The following BCL2 variants were observed in gnomAD, a reference collection of about 807,000 sequenced individuals.
BCL2 encodes BCL2 apoptosis regulator, also known as apoptosis regulator Bcl-2.
Under a neutral mutation model 14.2 loss-of-function variants are expected in BCL2, and 1 was observed. The ratio of observed to expected loss-of-function variants is 0.07; its 90% CI spans 0.02 to 0.33. The LOEUF (loss-of-function observed/expected upper bound fraction) is 0.33. Among genes scored for constraint, BCL2 ranks in the 10% least tolerant of loss-of-function variants. The pLI, the probability that BCL2 is intolerant of heterozygous loss-of-function variation, is 0.99. For synonymous variants in BCL2, 151 were observed against 137.2 expected, an observed-to-expected ratio of 1.10 and a Z score of -0.70; for missense variants, 247 against 305.9, an observed-to-expected ratio of 0.81 and a Z score of 1.44.
chr18:63,250,857 TG>T (rs1911290413), intron 2 of BCL2, among the ~76,000 whole-genome samples: 1 of 152,344 alleles, frequency 6.6e-6, no homozygotes, highest in East Asian at 1.9e-4. Context: ...AATATTGACA[TG>T]CAAGGATTTT....
chr18:63,128,594 T>C lies in BCL2; in HGVS notation c.*31A>G. 1 of 777,868 alleles carries C rather than the reference T, an allele frequency of 1.3e-6. No individual in the cohort carries two copies. The highest frequency in any genetic ancestry group is 2.4e-6 in the Non-Finnish European group (1 of 416,062). The allele number at this position is 777,868 out of a possible 1,614,324, so 48.2% of individuals were successfully genotyped here. A position where few individuals can be genotyped will look rare whatever the true frequency, so the allele number is the denominator to read the frequency against. On this transcript the variant is annotated 3_prime_UTR_variant, in exon 3 of 3. Coordinates refer to ENST00000333681, the MANE Select transcript of BCL2 (RefSeq NM_000633.3). ...ATTTCTACTGCTTTAGTGAACCTTTTGCATATTTGTTTGGGGCAGGCATGT... is the reference window on the plus strand; with the variant it reads ...ATTTCTACTGCTTTAGTGAACCTTTCGCATATTTGTTTGGGGCAGGCATGT...
chr18:63,240,443 C>T (rs1030522407), intron 2 of BCL2, among the ~76,000 whole-genome samples: 6 of 152,194 alleles, frequency 3.9e-5, no homozygotes, highest in Admixed American at 6.5e-5. Context: ...AGGAAGCCTT[C>T]CTTCAAATGT....
At chr18:63,181,066 G>T (rs1306443182) in intron 2 of BCL2, among the ~76,000 whole-genome samples, 1 of 152,192 alleles carries the variant, frequency 6.6e-6, no homozygotes, top group Admixed American at 6.5e-5. Flanking sequence ...GGCCCCAAAT[G>T]TAAAGCTTTC....
intron 2 of BCL2, among the ~76,000 whole-genome samples, chr18:63,173,534 A>G (rs896851226): frequency 7.9e-5 from 12 of 151,526 alleles, no homozygotes; most frequent in African/African-American, 2.9e-4. Context: ...GGATGGAGGA[A>G]GTGAATTTTA....
Position 63,166,190 on chromosome 18 carries a change from AG to A in BCL2, c.586-37432del, listed in dbSNP as rs553959777. On this transcript the variant is annotated intron_variant, in intron 2 of 2. Coordinates refer to ENST00000333681, the MANE Select transcript of BCL2 (RefSeq NM_000633.3). The stretch of plus-strand genomic sequence containing the variant: ...CATGCCCCAGAGAGAGGTGGTTGGC[AG>A]GAAGAAATGTGACACCAGGAAGTGC... Among the ~76,000 whole-genome samples, 605 of 152,338 alleles carry A rather than the reference AG, an allele frequency of 4.0e-3. 3 individuals carry two copies. The highest frequency in any genetic ancestry group is 0.014 in the African/African-American group (563 of 41,574).
At chr18:63,172,443 G>A (rs1293688858) in intron 2 of BCL2, among the ~76,000 whole-genome samples, 1 of 152,064 alleles carries the variant, frequency 6.6e-6, no homozygotes, top group Admixed American at 6.5e-5. Flanking sequence ...TGAGTCTTTG[G>A]GGACTCAACA....
intron 2 of BCL2, chr18:63,317,393 T>G: frequency 3.8e-6 from 1 of 265,074 alleles, no homozygotes; most frequent in South Asian, 1.4e-4. Context: ...AGCAAAGCCA[T>G]AGCCTGATAC....
chr18:63,317,852 C>T lies in BCL2; in HGVS notation c.585+230G>A, dbSNP rs1019062004. The T allele has an allele frequency of 1.1e-5, 15 of 1,404,950 alleles. No homozygotes were observed. In the African/African-American group the frequency reaches 1.2e-4, roughly 11 times the overall value. 87.0% of individuals were successfully genotyped at this position (1,404,950 alleles called of 1,614,324 possible). A position where few individuals can be genotyped will look rare whatever the true frequency, so the allele number is the denominator to read the frequency against. On this transcript the variant is annotated intron_variant, in intron 2 of 2. Coordinates refer to ENST00000333681, the MANE Select transcript of BCL2 (RefSeq NM_000633.3). ...GATTACAAACGCTAGATCTTTGGAT[C>T]TCCACGACTAGCAAGCAAGTTAAAG...
chr18:63,172,732 G>T (rs1258620341), intron 2 of BCL2, among the ~76,000 whole-genome samples: 2 of 152,232 alleles, frequency 1.3e-5, no homozygotes, highest in Non-Finnish European at 2.9e-5. Flanking sequence ...AGTGAGCCGA[G>T]ATCGTGCCAC....
Position 63,125,476 on chromosome 18 carries a change from C to T in BCL2, c.*3149G>A, listed in dbSNP as rs1913887092. On this transcript the variant is annotated 3_prime_UTR_variant, in exon 3 of 3. Coordinates refer to ENST00000333681, the MANE Select transcript of BCL2 (RefSeq NM_000633.3). ...CTCAGATGTTCTTCTCCTTTTGGGG[C>T]TTTTTTTAGAGCCCTTGTCCCCAAT... 4 of 219,364 alleles carry T rather than the reference C, an allele frequency of 1.8e-5. No homozygotes were observed. The highest frequency in any genetic ancestry group is 1.8e-4 in the South Asian group (1 of 5,414). 13.6% of individuals were successfully genotyped at this position (219,364 alleles called of 1,614,324 possible).
chr18:63,176,885 A>C (rs995630923), intron 2 of BCL2, among the ~76,000 whole-genome samples: 1 of 150,100 alleles, frequency 6.7e-6, no homozygotes, highest in African/African-American at 2.5e-5. Context: ...TCACCTCCCA[A>C]CCCTTCCCGA....
chr18:63,178,632 AG>A (rs1042964183), intron 2 of BCL2, among the ~76,000 whole-genome samples: 3 of 152,150 alleles, frequency 2.0e-5, no homozygotes, highest in Non-Finnish European at 4.4e-5. Context: ...ACCTTTGAGG[AG>A]CCCCAGACTC....
intron 2 of BCL2, among the ~76,000 whole-genome samples, chr18:63,133,631 TA>T (rs1233104079): frequency 2.6e-5 from 4 of 152,174 alleles, no homozygotes; most frequent in Admixed American, 6.5e-5. Context: ...GAATTTTTTT[TA>T]AAAAAGGTCA....
In BCL2 at chr18:63,153,318, C is replaced by T. The variant is rs550218141; in HGVS notation, c.586-24559G>A. 2.0e-5 allele frequency among the ~76,000 whole-genome samples: 3 copies of T among 152,212 alleles called. No individual in the cohort carries two copies. The East Asian group carries it at 5.8e-4, about 29-fold the overall frequency. ...AGGATGAAATGACTTCTGTGAAGTG[C>T]CTGGCAGCAAAGGCACTAAAATTCA... On this transcript the variant is annotated intron_variant, in intron 2 of 2. Transcript: ENST00000333681.
chr18:63,202,213 G>T (rs1318314984), intron 2 of BCL2, among the ~76,000 whole-genome samples: 2 of 152,160 alleles, frequency 1.3e-5, no homozygotes, highest in Non-Finnish European at 2.9e-5. Flanking sequence ...GGTGCCTGAG[G>T]CAGGAGAATC....
chr18:63,233,467 C>T (rs1201761717), intron 2 of BCL2, among the ~76,000 whole-genome samples: 5 of 152,104 alleles, frequency 3.3e-5, no homozygotes, highest in African/African-American at 1.2e-4. Context: ...GACAGTTTTT[C>T]CATAGACGGG....
chr18:63,134,097 T>C lies in BCL2; in HGVS notation c.586-5338A>G, dbSNP rs529568451. ...CGCGTTTACAAACAGAAAAAAATAA[T>C]ATAAAGGAAAACGCAAAGATGTTAA... On this transcript the variant is annotated intron_variant, in intron 2 of 2. Transcript: ENST00000333681. Among the ~76,000 whole-genome samples, 7 of 152,090 alleles carry C rather than the reference T, an allele frequency of 4.6e-5. No individual in the cohort carries two copies. The East Asian group carries it at 1.4e-3, about 29-fold the overall frequency.
chr18:63,159,379 G>A (rs937754233), intron 2 of BCL2, among the ~76,000 whole-genome samples: 2 of 152,162 alleles, frequency 1.3e-5, no homozygotes, highest in African/African-American at 4.8e-5. Flanking sequence ...ACATCACTGC[G>A]TCTGGAGTCT....
In BCL2 at chr18:63,169,248, TTTTCTTTCTTTCTTTC is replaced by T. The variant is rs145779306; in HGVS notation, c.586-40505_586-40490del. 1.9e-4 allele frequency among the ~76,000 whole-genome samples: 21 copies of T among 108,266 alleles called. No individual in the cohort carries two copies. The East Asian group carries it at 2.4e-3, about 12-fold the overall frequency. 71.0% of individuals were successfully genotyped at this position (108,266 alleles called of 152,430 possible). ...ACAGAATAGTTTTTCCCCTTCGTGTTTTTCTTTCTTTCTTTCTTTCTTTCTTTCTTTCTTTCTTTCT... is the reference window on the plus strand; with the variant it reads ...ACAGAATAGTTTTTCCCCTTCGTGTTTTTCTTTCTTTCTTTCTTTCTTTCT... On this transcript the variant is annotated intron_variant, in intron 2 of 2. Coordinates refer to ENST00000333681, the MANE Select transcript of BCL2 (RefSeq NM_000633.3).
Sources: gnomAD v4.1 joint callset for allele counts (sites outside exome capture counted in the v4.1 genomes callset) on GRCh38, gnomAD v4.1.1 for gene constraint, MANE v1.5 for transcripts, NCBI Gene and HGNC (gene_info 2026-07-23, HGNC 2026-07-21) for gene names.